Variants in ESRRG observed in about 807,000 individuals in gnomAD.
The protein encoded by ESRRG is estrogen-related receptor gamma.
In ESRRG, 13 loss-of-function variants were observed where a neutral mutation model predicts 44.0. The ratio of observed to expected loss-of-function variants is 0.30; its 90% CI spans 0.19 to 0.47. The LOEUF (loss-of-function observed/expected upper bound fraction) is 0.47, where lower values mean the gene tolerates loss of function less well. Among genes scored for constraint, ESRRG ranks in the 20% least tolerant of loss-of-function variants. ESRRG has a pLI of 1.00. For missense variants in ESRRG, 395 were observed against 580.6 expected (o/e 0.68, Z 3.29); for synonymous variants, 215 against 214.6 (o/e 1.00, Z -0.02).
chr1:216,602,409 C>G (rs1426112443), intron 3 of ESRRG, among the ~76,000 whole-genome samples: 1 of 152,142 alleles, frequency 6.6e-6, no homozygotes, highest in Non-Finnish European at 1.5e-5. Flanking sequence ...TTCATCAATA[C>G]CAAGTATAAT....
chr1:216,570,837 G>A (rs1344306167), intron 3 of ESRRG, among the ~76,000 whole-genome samples: 3 of 152,150 alleles, frequency 2.0e-5, no homozygotes, highest in African/African-American at 4.8e-5. Flanking sequence ...TGAGTTTGTA[G>A]ACTCCCTAAA....
chr1:217,063,835 A>G (rs1220054138), intron 1 of ESRRG, among the ~76,000 whole-genome samples: 1 of 152,194 alleles, frequency 6.6e-6, no homozygotes, highest in Non-Finnish European at 1.5e-5. Context: ...CGTTTTAATG[A>G]GTATAATGGT....
At chr1:217,077,336 A>G (rs944719526) in intron 1 of ESRRG, among the ~76,000 whole-genome samples, 1 of 152,204 alleles carries the variant, frequency 6.6e-6, no homozygotes, top group African/African-American at 2.4e-5. Flanking sequence ...GAAAGGGGGC[A>G]TGGGCTTTTA....
chr1:216,920,403 T>A (rs2061684160), intron 2 of ESRRG, among the ~76,000 whole-genome samples: 1 of 126,598 alleles, frequency 7.9e-6, no homozygotes, highest in African/African-American at 2.8e-5. Flanking sequence ...TGTGTGTGTG[T>A]GTGTGTGTGT....
chr1:217,135,947 C>G (rs1371426004), intron 1 of ESRRG, among the ~76,000 whole-genome samples: 1 of 152,108 alleles, frequency 6.6e-6, no homozygotes, highest in Non-Finnish European at 1.5e-5. Context: ...TTACTCCCAC[C>G]CCCGCCCCCT....
chr1:216,704,503 G>A (rs1218738200), intron 1 of ESRRG, among the ~76,000 whole-genome samples: 4 of 151,954 alleles, frequency 2.6e-5, no homozygotes, highest in African/African-American at 9.7e-5. Context: ...GGAGACAAGA[G>A]CAAAACTCTG....
chr1:216,676,297 G>T (rs1410835490), intron 2 of ESRRG, among the ~76,000 whole-genome samples: 2 of 152,010 alleles, frequency 1.3e-5, no homozygotes, highest in African/African-American at 4.8e-5. Context: ...CGGAAATAAT[G>T]TTATTTATAA....
intron 2 of ESRRG, among the ~76,000 whole-genome samples, chr1:216,775,216 T>A (rs2093556553): frequency 2.0e-5 from 3 of 152,238 alleles, no homozygotes; most frequent in Admixed American, 6.5e-5. Flanking sequence ...CTGTCACCTG[T>A]TGTTCATCTA....
chr1:216,850,437 T>C (rs979682916), intron 2 of ESRRG, among the ~76,000 whole-genome samples: 4 of 152,130 alleles, frequency 2.6e-5, no homozygotes, highest in Non-Finnish European at 5.9e-5. Flanking sequence ...ACTTGCATTG[T>C]TAAAAAGATG....
chr1:217,063,321 G>T (rs2088946752), intron 1 of ESRRG, among the ~76,000 whole-genome samples: 2 of 152,182 alleles, frequency 1.3e-5, no homozygotes, highest in South Asian at 4.1e-4. Context: ...CCAGGGTATA[G>T]ATATGTTCCT....
At chr1:216,644,609 A>AT (rs1390649045) in intron 3 of ESRRG, among the ~76,000 whole-genome samples, 1 of 150,808 alleles carries the variant, frequency 6.6e-6, no homozygotes, top group African/African-American at 2.4e-5. Flanking sequence ...TTTACTTTTT[A>AT]TTTTTTGGTA....
intron 2 of ESRRG, among the ~76,000 whole-genome samples, chr1:216,668,380 T>C (rs1410586445): frequency 1.3e-5 from 2 of 152,196 alleles, no homozygotes; most frequent in Non-Finnish European, 2.9e-5. Flanking sequence ...CAGGAAAATA[T>C]ACCCTACAAA....
chr1:216,885,821 T>A (rs1156456011), intron 2 of ESRRG, among the ~76,000 whole-genome samples: 1 of 152,088 alleles, frequency 6.6e-6, no homozygotes, highest in Non-Finnish European at 1.5e-5. Flanking sequence ...GATCTCCATG[T>A]GGCCCTCCTC....
At chr1:216,591,069 CTT>C (rs915836436) in intron 3 of ESRRG, among the ~76,000 whole-genome samples, 1 of 152,114 alleles carries the variant, frequency 6.6e-6, no homozygotes, top group African/African-American at 2.4e-5. Context: ...AGGAGAACCT[CTT>C]TTTTTCTAAA....
intron 5 of ESRRG, among the ~76,000 whole-genome samples, chr1:216,534,537 G>A (rs2050335877): frequency 6.6e-6 from 1 of 152,084 alleles, no homozygotes; most frequent in South Asian, 2.1e-4. Flanking sequence ...AAAAATTCAT[G>A]CTGAAATGTA....
chr1:217,085,827 C>T (rs553307682), intron 1 of ESRRG, among the ~76,000 whole-genome samples: 6 of 152,158 alleles, frequency 3.9e-5, no homozygotes, highest in African/African-American at 9.6e-5. Context: ...CAGCACCACA[C>T]GCTCATCCAC....
At chr1:216,745,795 T>A (rs1384215559) in intron 2 of ESRRG, among the ~76,000 whole-genome samples, 1 of 152,210 alleles carries the variant, frequency 6.6e-6, no homozygotes, top group Admixed American at 6.5e-5. Context: ...ATGGCTATTA[T>A]CTTTAAATTG....
chr1:217,092,314 A>C (rs796429935), upstream of ESRRG, among the ~76,000 whole-genome samples: 12 of 152,344 alleles, frequency 7.9e-5, no homozygotes, highest in African/African-American at 2.9e-4. Flanking sequence ...AAAAATGCTT[A>C]CTAAGGTAGA....
intron 2 of ESRRG, among the ~76,000 whole-genome samples, chr1:216,925,319 C>A (rs897691684): frequency 6.6e-6 from 1 of 152,102 alleles, no homozygotes; most frequent in African/African-American, 2.4e-5. Context: ...CACCTGCAGT[C>A]CCAGCTACTT....
Sources: gnomAD v4.1 joint callset for allele counts (sites outside exome capture counted in the v4.1 genomes callset) on GRCh38, gnomAD v4.1.1 for gene constraint, MANE v1.5 for transcripts, NCBI Gene and HGNC (gene_info 2026-07-23, HGNC 2026-07-21) for gene names.